Variants in RALGAPA2 observed in about 807,000 individuals in gnomAD.
The protein encoded by RALGAPA2 is ral GTPase-activating protein subunit alpha-2.
A neutral mutation model predicts 230.4 loss-of-function variants in RALGAPA2; 139 were observed. That is an observed-to-expected ratio of 0.60 (90% CI 0.53 to 0.69). The LOEUF is 0.69. RALGAPA2 is among the 30% of genes least tolerant of loss of function. The probability of loss-of-function intolerance (pLI) is 0.00; values close to 1 mark genes in which losing one functional copy is unlikely to be tolerated. For missense variants in RALGAPA2, 2,163 were observed against 2,276.0 expected (o/e 0.95, Z 1.01); for synonymous variants, 847 against 837.8 (o/e 1.01, Z -0.19).
chr20:20,660,935 T>A (rs566361879), intron 3 of RALGAPA2, among the ~76,000 whole-genome samples: 14 of 152,248 alleles, frequency 9.2e-5, no homozygotes, highest in African/African-American at 3.1e-4. Context: ...CAGAACCAAA[T>A]GCAGGGTCTG....
chr20:20,391,228 G>A lies in RALGAPA2; in HGVS notation c.*2061C>T, dbSNP rs1326527266. 1 of 152,240 alleles carries A rather than the reference G, an allele frequency of 6.6e-6. No homozygotes were observed. Among genetic ancestry groups the A allele is most frequent in the Admixed American group, 6.5e-5 (1 of 15,278 alleles). 9.4% of individuals were successfully genotyped at this position (152,240 alleles called of 1,614,324 possible). A position where few individuals can be genotyped will look rare whatever the true frequency, so the allele number is the denominator to read the frequency against. ...GGAGACAGGAGCAGCTCAACAGCAG[G>A]ATCAAGCCTGAGTGATGGTGGCCAA... is the stretch of plus-strand genomic sequence containing the variant. On this transcript the variant is annotated 3_prime_UTR_variant, in exon 40 of 40. Transcript: ENST00000202677.
chr20:20,631,734 T>G (rs914419329), intron 9 of RALGAPA2, among the ~76,000 whole-genome samples: 1 of 152,222 alleles, frequency 6.6e-6, no homozygotes, highest in Non-Finnish European at 1.5e-5. Flanking sequence ...GAATCTGCAA[T>G]AGTGGCAGTA....
At chr20:20,411,881 C>T in intron 38 of RALGAPA2, 146 bp downstream of exon 38, 1 of 1,082,922 alleles carries the variant, frequency 9.2e-7, no homozygotes, top group African/African-American at 1.6e-5. Flanking sequence ...AAATGAATGT[C>T]ATCATTCCTT....
rs536889937 is a variant in RALGAPA2, at chr20:20,432,934, T to A, written c.5496-20786A>T. Among the ~76,000 whole-genome samples, 4 of 152,336 alleles carry A rather than the reference T, an allele frequency of 2.6e-5. No individual in the cohort carries two copies. In the South Asian group the frequency reaches 6.2e-4, roughly 24 times the overall value. On this transcript the variant is annotated intron_variant, in intron 37 of 39. Transcript: ENST00000202677. ...CAGCACTTGGTGCATGGGCAGAGCCTCCGCTCCAGCTGTCTGGAGGTGCAC... is the reference window on the plus strand; with the variant it reads ...CAGCACTTGGTGCATGGGCAGAGCCACCGCTCCAGCTGTCTGGAGGTGCAC...
At chr20:20,652,604 C>A (rs572744503) in intron 4 of RALGAPA2, among the ~76,000 whole-genome samples, 2 of 152,306 alleles carry the variant, frequency 1.3e-5, no homozygotes, top group South Asian at 4.1e-4. Context: ...AGGTCACACT[C>A]TCCACAAATA....
chr20:20,524,790 A>T (rs757265560), intron 29 of RALGAPA2, 40 bp downstream of exon 29: 7 of 1,474,976 alleles, frequency 4.7e-6, no homozygotes, highest in Non-Finnish European at 6.4e-6. Flanking sequence ...ACATTAAAAT[A>T]AAAAAACTAT....
Position 20,601,800 on chromosome 20 carries a change from A to G in RALGAPA2, c.2085T>C (p.Phe695=), listed in dbSNP as rs757963238. ...PQKGTTVGRS[F]SLSWRSHPDV... is the part of the protein sequence containing the mutation. ...CTGGGTGGCTCCGCCAGCTGAGAGAAAAGGACCTCCCCACGGTGGTTCCTT... is the reference window on the plus strand; with the variant it reads ...CTGGGTGGCTCCGCCAGCTGAGAGAGAAGGACCTCCCCACGGTGGTTCCTT... The change falls in exon 16 of 40, where the codon TTT becomes TTC. Residue 695 remains phenylalanine, a synonymous_variant. Coordinates refer to ENST00000202677, the MANE Select transcript of RALGAPA2 (RefSeq NM_020343.4). The G allele has an allele frequency of 9.3e-6, 15 of 1,613,656 alleles. No individual in the cohort carries two copies. The highest frequency in any genetic ancestry group is 1.0e-5 in the Non-Finnish European group (12 of 1,179,704).
chr20:20,562,416 T>C (rs1350825511), intron 23 of RALGAPA2, among the ~76,000 whole-genome samples: 1 of 152,238 alleles, frequency 6.6e-6, no homozygotes, highest in East Asian at 1.9e-4. Context: ...GGTAACAGTT[T>C]ACTAAGAACA....
chr20:20,525,500 A>G (rs2063173476), intron 28 of RALGAPA2, among the ~76,000 whole-genome samples: 2 of 152,220 alleles, frequency 1.3e-5, no homozygotes, highest in Non-Finnish European at 1.5e-5. Context: ...AAATCTGTCT[A>G]GGGCTGAGAG....
intron 4 of RALGAPA2, among the ~76,000 whole-genome samples, chr20:20,646,836 C>T (rs1312332588): frequency 6.6e-6 from 1 of 151,598 alleles, no homozygotes; most frequent in African/African-American, 2.4e-5. Flanking sequence ...TCCGCTGAAC[C>T]ATATAGGAAC....
chr20:20,620,391 C>CTT (rs761406650), intron 11 of RALGAPA2, 72 bp downstream of exon 11: 10 of 1,496,200 alleles, frequency 6.7e-6, no homozygotes, highest in Non-Finnish European at 9.1e-6. Flanking sequence ...ATTGACAAGA[C>CTT]TCTTGACTGA....
Position 20,572,970 on chromosome 20 carries a change from A to G in RALGAPA2, c.2806T>C (p.Leu936=), listed in dbSNP as rs781447465. ...DSAAVLWRRV[L]GILGDVNNIQ... ...TTATTCACATCTCCGAGGATCCCCAAGACCCTTCGCCATAACACAGCAGCA... is the reference window on the plus strand; with the variant it reads ...TTATTCACATCTCCGAGGATCCCCAGGACCCTTCGCCATAACACAGCAGCA... The change falls in exon 21 of 40, where the codon TTG becomes CTG. Residue 936 remains leucine, a synonymous_variant. Coordinates refer to ENST00000202677, the MANE Select transcript of RALGAPA2 (RefSeq NM_020343.4). 6 of 1,605,008 alleles carry G rather than the reference A, an allele frequency of 3.7e-6. No homozygotes were observed. The South Asian group carries it at 6.7e-5, about 18-fold the overall frequency.
intron 1 of RALGAPA2, among the ~76,000 whole-genome samples, chr20:20,697,884 C>A (rs1243352695): frequency 6.6e-6 from 1 of 152,178 alleles, no homozygotes; most frequent in African/African-American, 2.4e-5. Context: ...TGGGTAAGTA[C>A]CCTGACCACA....
intron 35 of RALGAPA2, among the ~76,000 whole-genome samples, chr20:20,496,328 T>C (rs985953366): frequency 7.2e-5 from 11 of 152,102 alleles, no homozygotes; most frequent in Admixed American, 5.2e-4. Flanking sequence ...ACGATGACCG[T>C]ACCATCTCAA....
intron 36 of RALGAPA2, among the ~76,000 whole-genome samples, chr20:20,477,921 A>C (rs1031961180): frequency 6.6e-6 from 1 of 152,224 alleles, no homozygotes; most frequent in East Asian, 1.9e-4. Flanking sequence ...CTTTTGCACA[A>C]TAATGACACA....
At chr20:20,632,716 T>C (rs1289321027) in intron 9 of RALGAPA2, among the ~76,000 whole-genome samples, 1 of 152,016 alleles carries the variant, frequency 6.6e-6, no homozygotes, top group East Asian at 1.9e-4. Flanking sequence ...TCATCATGGT[T>C]CAGAACTAAC....
rs2064701746 is a variant in RALGAPA2 at position 20,573,070 on chromosome 20, T to C, written c.2708-2A>G. Reference sequence around the variant, plus strand: ...CATCTGTGAGGCACTCGCTGCTATCTATGCAGAAAAACATGTCTGTTAACC... The same window carrying C: ...CATCTGTGAGGCACTCGCTGCTATCCATGCAGAAAAACATGTCTGTTAACC... On this transcript the variant is annotated splice_acceptor_variant, in intron 20 of 39. Transcript: ENST00000202677. LOFTEE classifies it high-confidence loss of function. 1 of 1,597,094 alleles carries C rather than the reference T, an allele frequency of 6.3e-7. No individual in the cohort carries two copies. Among genetic ancestry groups the C allele is most frequent in the African/African-American group, 1.3e-5 (1 of 74,584 alleles).
chr20:20,630,124 T>C (rs2066622166), intron 9 of RALGAPA2, among the ~76,000 whole-genome samples: 1 of 152,216 alleles, frequency 6.6e-6, no homozygotes, highest in Non-Finnish European at 1.5e-5. Flanking sequence ...CTCAGAATCT[T>C]AGGTCAAACA....
chr20:20,415,640 G>A (rs2060150188), intron 37 of RALGAPA2, among the ~76,000 whole-genome samples: 1 of 152,128 alleles, frequency 6.6e-6, no homozygotes, highest in Non-Finnish European at 1.5e-5. Flanking sequence ...TAGTCCCAGT[G>A]ACTCAGGAGG....
Sources: allele counts gnomAD v4.1 joint callset (sites outside exome capture counted in the v4.1 genomes callset), GRCh38; gene constraint gnomAD v4.1.1; transcripts MANE v1.5; gene names NCBI Gene and HGNC (gene_info 2026-07-23, HGNC 2026-07-21).